PCDH7: variants seen among roughly 807,000 people sequenced by gnomAD.
PCDH7 encodes the protein protocadherin 7.
In PCDH7, 17 loss-of-function variants were observed where a neutral mutation model predicts 58.9. The ratio of observed to expected loss-of-function variants is 0.29; its 90% CI spans 0.20 to 0.43. The LOEUF is 0.43. Ranked by LOEUF, PCDH7 falls within the 20% of genes least tolerant of loss-of-function variation. The probability of loss-of-function intolerance (pLI) is 1.00; values close to 1 mark genes in which losing one functional copy is unlikely to be tolerated. For synonymous variants in PCDH7, 664 were observed against 616.4 expected, an observed-to-expected ratio of 1.08 and a Z score of -1.14; for missense variants, 1,274 against 1,441.0, an observed-to-expected ratio of 0.88 and a Z score of 1.88.
chr4:30,832,214 C>T (rs954667515), intron 1 of PCDH7, among the ~76,000 whole-genome samples: 3 of 152,146 alleles, frequency 2.0e-5, no homozygotes, highest in African/African-American at 7.2e-5. Flanking sequence ...TATAATAACA[C>T]AAAAACATCC....
intron 3 of PCDH7, among the ~76,000 whole-genome samples, chr4:31,089,991 AGAT>A (rs1405401088): frequency 5.3e-5 from 8 of 152,128 alleles, no homozygotes; most frequent in Admixed American, 4.6e-4. Context: ...TTACCCTTAA[AGAT>A]GTGATTAAGA....
intron 1 of PCDH7, among the ~76,000 whole-genome samples, chr4:30,728,433 C>T (rs1714963438): frequency 6.6e-6 from 1 of 151,552 alleles, no homozygotes; most frequent in African/African-American, 2.4e-5. Flanking sequence ...CTGTCTATAA[C>T]CAAGGATGTT....
At chr4:30,826,992 C>A (rs13108018) in intron 1 of PCDH7, among the ~76,000 whole-genome samples, 61,718 of 151,946 alleles carry the variant, frequency 0.41, 14,315 homozygotes, top group Middle Eastern at 0.53. Context: ...CTAGATTTTT[C>A]TCTTATGTTT....
intron 1 of PCDH7, among the ~76,000 whole-genome samples, chr4:30,812,888 C>G (rs934112382): frequency 6.6e-6 from 1 of 152,116 alleles, no homozygotes; most frequent in Non-Finnish European, 1.5e-5. Context: ...ATTAAATTCT[C>G]TAACTGTCAT....
chr4:31,010,021 C>G (rs776527644), intron 3 of PCDH7, among the ~76,000 whole-genome samples: 1 of 151,952 alleles, frequency 6.6e-6, no homozygotes, highest in South Asian at 2.1e-4. Flanking sequence ...CCTACTGAAT[C>G]ATAAGATTTC....
chr4:31,128,169 A>C lies in PCDH7; in HGVS notation c.*8-14304A>C, dbSNP rs571520759. ...TATACACACACACACACACACGGAC[A>C]CACATATAAAAGTCTGAAACAAAAT... On this transcript the variant is annotated intron_variant, in intron 3 of 3. Transcript: ENST00000509759. Among the ~76,000 whole-genome samples, 8 of 152,034 alleles carry C rather than the reference A, an allele frequency of 5.3e-5. 1 individual carries two copies. Among genetic ancestry groups the C allele is most frequent in the African/African-American group, 1.9e-4 (8 of 41,482 alleles).
chr4:30,851,507 A>G (rs1732741716), intron 1 of PCDH7, among the ~76,000 whole-genome samples: 1 of 151,934 alleles, frequency 6.6e-6, no homozygotes, highest in Non-Finnish European at 1.5e-5. Context: ...CAAGCAGGAA[A>G]GGCAAATGGG....
chr4:30,801,021 C>G (rs1046166012), intron 1 of PCDH7, among the ~76,000 whole-genome samples: 6 of 152,166 alleles, frequency 3.9e-5, no homozygotes, highest in Non-Finnish European at 7.3e-5. Context: ...GGATGCTTGT[C>G]AGGGGACTAG....
intron 3 of PCDH7, among the ~76,000 whole-genome samples, chr4:30,962,350 TG>T (rs1748515816): frequency 6.6e-6 from 1 of 152,210 alleles, no homozygotes; most frequent in Admixed American, 6.5e-5. Flanking sequence ...CAGCTAGACT[TG>T]TTCAAGTTGG....
chr4:30,894,722 A>G (rs1385887063), intron 1 of PCDH7, among the ~76,000 whole-genome samples: 1 of 150,208 alleles, frequency 6.7e-6, no homozygotes, highest in African/African-American at 2.4e-5. Context: ...TTTTTATATG[A>G]CCATGTGACT....
At chr4:31,119,675 G>A (rs1448415728) in intron 3 of PCDH7, among the ~76,000 whole-genome samples, 2 of 152,240 alleles carry the variant, frequency 1.3e-5, no homozygotes, top group East Asian at 3.9e-4. Context: ...TTCTTATGGG[G>A]TCTTGTGTCC....
chr4:31,078,109 A>T (rs920433559), intron 3 of PCDH7, among the ~76,000 whole-genome samples: 30 of 152,182 alleles, frequency 2.0e-4, no homozygotes, highest in African/African-American at 7.2e-4. Context: ...CTCCCTGAAC[A>T]AATTAGGGAC....
rs1455779878 is a variant in PCDH7 at position 30,894,506 on chromosome 4, TATATATATATACACACAC to T, written c.71-25645_71-25628del. On this transcript the variant is annotated intron_variant, in intron 1 of 3. Coordinates refer to the PCDH7 transcript ENST00000509759. ...AAAAAAAAAAATATATATATATATA[TATATATATATACACACAC>T]ACACACACACACACACACACACACA... Among the ~76,000 whole-genome samples, 12 of 50,334 alleles carry T rather than the reference TATATATATATACACACAC, an allele frequency of 2.4e-4. No homozygotes were observed. In the East Asian group the frequency reaches 4.6e-3, roughly 19 times the overall value. The allele number at this position is 50,334 out of a possible 152,430, so 33.0% of individuals were successfully genotyped here.
chr4:31,099,760 C>T (rs1714654353), intron 3 of PCDH7, among the ~76,000 whole-genome samples: 1 of 152,066 alleles, frequency 6.6e-6, no homozygotes, highest in Non-Finnish European at 1.5e-5. Context: ...CATTCCTAAA[C>T]CTGAGCTCTT....
At chr4:30,986,990 A>G (rs1162814351) in intron 3 of PCDH7, among the ~76,000 whole-genome samples, 1 of 151,388 alleles carries the variant, frequency 6.6e-6, no homozygotes, top group Non-Finnish European at 1.5e-5. Flanking sequence ...AAAAAAAAAT[A>G]AGAAAGATAG....
intron 1 of PCDH7, among the ~76,000 whole-genome samples, chr4:30,834,156 C>A (rs921179551): frequency 6.6e-6 from 1 of 152,136 alleles, no homozygotes; most frequent in Non-Finnish European, 1.5e-5. Context: ...AGGTAGTAAT[C>A]ATTTACTTAT....
chr4:31,138,652 A>G (rs1305589218), intron 3 of PCDH7, among the ~76,000 whole-genome samples: 1 of 152,194 alleles, frequency 6.6e-6, no homozygotes, highest in African/African-American at 2.4e-5. Flanking sequence ...TGTGGGAAGT[A>G]CTTCATGTGT....
chr4:30,981,133 C>T (rs774352669), intron 3 of PCDH7, among the ~76,000 whole-genome samples: 66 of 152,286 alleles, frequency 4.3e-4, no homozygotes, highest in Non-Finnish European at 6.3e-4. Context: ...TGAGGCACTG[C>T]GCCTGGCCTA....
At chr4:31,048,179 T>C (rs1249612938) in intron 3 of PCDH7, among the ~76,000 whole-genome samples, 2 of 152,056 alleles carry the variant, frequency 1.3e-5, no homozygotes, top group Non-Finnish European at 2.9e-5. Flanking sequence ...ATAAATTTAT[T>C]ATTAACTACT....
Sources: gnomAD v4.1 joint callset for allele counts (sites outside exome capture counted in the v4.1 genomes callset) on GRCh38, gnomAD v4.1.1 for gene constraint, MANE v1.5 for transcripts, NCBI Gene and HGNC (gene_info 2026-07-23, HGNC 2026-07-21) for gene names.